The following ACYP2 variants were observed in gnomAD, a reference collection of about 807,000 sequenced individuals.
The protein encoded by ACYP2 is acylphosphatase-2.
ACYP2 carries 12 observed loss-of-function variants against 11.2 expected under a neutral mutation model. That is an observed-to-expected ratio of 1.08 (90% CI 0.69 to 1.74). ACYP2 has a LOEUF of 1.74. ACYP2 is among the 40% of genes most tolerant of loss of function. The probability of loss-of-function intolerance (pLI) is 0.00; values close to 1 mark genes in which losing one functional copy is unlikely to be tolerated. For missense variants in ACYP2, 134 were observed against 101.9 expected (o/e 1.31, Z -1.35); for synonymous variants, 43 against 32.2 (o/e 1.33, Z -1.13).
intron 3 of ACYP2, among the ~76,000 whole-genome samples, chr2:54,053,629 C>G (rs1055574972): frequency 6.6e-6 from 1 of 152,204 alleles, no homozygotes; most frequent in Admixed American, 6.5e-5. Context: ...TCTTAGCCAT[C>G]TCTGGGCTGT....
intron 2 of ACYP2, among the ~76,000 whole-genome samples, chr2:54,026,524 G>T (rs1386059475): frequency 6.6e-6 from 1 of 151,990 alleles, no homozygotes; most frequent in Non-Finnish European, 1.5e-5. Flanking sequence ...ACTAAAATTA[G>T]ATCTACCATT....
intron 4 of ACYP2, among the ~76,000 whole-genome samples, chr2:54,129,650 G>C (rs1198418573): frequency 6.7e-6 from 1 of 149,710 alleles, no homozygotes; most frequent in East Asian, 1.9e-4. Flanking sequence ...CATTAAGCAT[G>C]TATGTCTACA....
chr2:54,003,413 C>T (rs1048326371), intron 2 of ACYP2, among the ~76,000 whole-genome samples: 16 of 152,132 alleles, frequency 1.1e-4, no homozygotes, highest in Non-Finnish European at 1.8e-4. Context: ...GCATCTGCCA[C>T]CACATCCGGC....
At chr2:53,991,497 C>T (rs1351767465) in intron 2 of ACYP2, among the ~76,000 whole-genome samples, 1 of 151,852 alleles carries the variant, frequency 6.6e-6, no homozygotes, top group African/African-American at 2.4e-5. Flanking sequence ...CCTCTGCCTC[C>T]TAGGTTCAAG....
chr2:54,078,399 A>G (rs1677457692), intron 4 of ACYP2, among the ~76,000 whole-genome samples: 1 of 116,954 alleles, frequency 8.6e-6, no homozygotes, highest in South Asian at 3.0e-4. Context: ...CAAATCATAT[A>G]TATATGCGTA....
At chr2:54,160,441 G>C (rs1008919125) in intron 6 of ACYP2, among the ~76,000 whole-genome samples, 13 of 151,732 alleles carry the variant, frequency 8.6e-5, no homozygotes, top group African/African-American at 1.2e-4. Context: ...ATTAAGACTA[G>C]TGTTGTGTTT....
chr2:54,266,889 A>G (rs1688055151), intron 6 of ACYP2, among the ~76,000 whole-genome samples: 1 of 152,006 alleles, frequency 6.6e-6, no homozygotes, highest in Admixed American at 6.6e-5. Flanking sequence ...GATTACAGGC[A>G]TGAGCCACCG....
chr2:53,986,418 C>T (rs1240250926), intron 2 of ACYP2, among the ~76,000 whole-genome samples: 1 of 151,492 alleles, frequency 6.6e-6, no homozygotes, highest in African/African-American at 2.4e-5. Flanking sequence ...CTCACTGCAA[C>T]TTCTGCCTCC....
intron 6 of ACYP2, among the ~76,000 whole-genome samples, chr2:54,207,727 T>C (rs187760196): frequency 1.3e-5 from 2 of 152,200 alleles, no homozygotes; most frequent in African/African-American, 4.8e-5. Context: ...CACTCCAAAA[T>C]TGAGTGAATA....
chr2:54,079,552 T>A (rs1191414298), intron 4 of ACYP2, among the ~76,000 whole-genome samples: 1 of 152,172 alleles, frequency 6.6e-6, no homozygotes, highest in South Asian at 2.1e-4. Context: ...AGCTCCATTG[T>A]CACTGTCAAA....
chr2:54,032,642 GT>G (rs1362252841), intron 2 of ACYP2, among the ~76,000 whole-genome samples: 1 of 152,152 alleles, frequency 6.6e-6, no homozygotes, highest in African/African-American at 2.4e-5. Flanking sequence ...CTTTAAAGTA[GT>G]TTTTTCCAAT....
chr2:54,048,055 G>A (rs868416877), intron 2 of ACYP2, among the ~76,000 whole-genome samples: 1 of 152,170 alleles, frequency 6.6e-6, no homozygotes, highest in Non-Finnish European at 1.5e-5. Context: ...TATTATTTAA[G>A]TCATTAGAAT....
chr2:54,201,646 C>CTTTCTTTGTTTCTTTTTCTTTCTTTG (rs1553391381), intron 6 of ACYP2, among the ~76,000 whole-genome samples: 1 of 75,006 alleles, frequency 1.3e-5, no homozygotes, highest in Non-Finnish European at 2.8e-5. Flanking sequence ...CTCTTTCTTT[C>CTTTCTTTGTTTCTTTTTCTTTCTTTG]TTTCTTTCTT....
chr2:54,218,342 T>C (rs554246501), intron 6 of ACYP2, among the ~76,000 whole-genome samples: 2 of 152,204 alleles, frequency 1.3e-5, no homozygotes, highest in Admixed American at 6.5e-5. Context: ...GTGTGCTACA[T>C]ATATATTGTA....
chr2:54,069,247 A>G (rs1676893959), intron 4 of ACYP2, among the ~76,000 whole-genome samples: 5 of 152,162 alleles, frequency 3.3e-5, no homozygotes, highest in African/African-American at 7.2e-5. Context: ...GAGGATTTTT[A>G]TATAACCAAA....
In ACYP2 at chr2:54,197,939, ATTATATTGTATTGTATTGTAT is replaced by A. The variant is rs1558605282; in HGVS notation, c.404+59193_404+59213del. On this transcript the variant is annotated intron_variant, in intron 6 of 6. Coordinates refer to ENST00000607452, the MANE Select transcript of ACYP2 (RefSeq NM_001320586.2). ...ATTATTTTATTTTATTTATGTATGT[ATTATATTGTATTGTATTGTAT>A]TGTATTGTATTGTATTGTATTGTAT... 4.6e-4 allele frequency among the ~76,000 whole-genome samples: 33 copies of A among 72,442 alleles called. 1 individual carries two copies. The highest frequency in any genetic ancestry group is 1.6e-3 in the African/African-American group (28 of 17,148). 47.5% of individuals were successfully genotyped at this position (72,442 alleles called of 152,430 possible).
chr2:54,126,367 AC>A lies in ACYP2; in HGVS notation c.278-9084del, dbSNP rs373890015. The stretch of plus-strand genomic sequence containing the variant: ...AGTTTTGTAACTGGTCATCTGACAT[AC>A]CTTGATGGACAACCTAAGTCTTTTG... On this transcript the variant is annotated intron_variant, in intron 4 of 6. Transcript: ENST00000607452. Among the ~76,000 whole-genome samples, 42 of 152,308 alleles carry A rather than the reference AC, an allele frequency of 2.8e-4. 2 individuals carry two copies. The East Asian group carries it at 7.9e-3, about 29-fold the overall frequency.
chr2:53,971,998 T>C (rs1192250135), intron 1 of ACYP2, among the ~76,000 whole-genome samples: 1 of 152,214 alleles, frequency 6.6e-6, no homozygotes, highest in Admixed American at 6.5e-5. Context: ...TGGGATGATA[T>C]AATTTACATT....
At position 54,036,198 on chromosome 2, in the gene ACYP2, G is replaced by A. The variant is rs949076654; in HGVS notation, c.63-14760G>A. 3.9e-5 allele frequency among the ~76,000 whole-genome samples: 6 copies of A among 152,154 alleles called. 1 individual carries two copies. The highest frequency in any genetic ancestry group is 4.1e-4 in the South Asian group (2 of 4,824). On this transcript the variant is annotated intron_variant, in intron 2 of 6. Coordinates refer to ENST00000607452, the MANE Select transcript of ACYP2 (RefSeq NM_001320586.2). ...TAGCCTCTGCCTGCCGGGTTCAAGC[G>A]ATTCTCCTGCCTCAGCTCCACACGT...
Sources: gnomAD v4.1 joint callset for allele counts (sites outside exome capture counted in the v4.1 genomes callset) on GRCh38, gnomAD v4.1.1 for gene constraint, MANE v1.5 for transcripts, NCBI Gene and HGNC (gene_info 2026-07-23, HGNC 2026-07-21) for gene names.